OXR1: variants seen among roughly 807,000 people sequenced by gnomAD.
OXR1 encodes oxidation resistance 1, also known as oxidation resistance protein 1.
A neutral mutation model predicts 104.6 loss-of-function variants in OXR1; 41 were observed. The ratio of observed to expected loss-of-function variants is 0.39; its 90% CI spans 0.31 to 0.51. The LOEUF (loss-of-function observed/expected upper bound fraction) is 0.51, where lower values mean the gene tolerates loss of function less well. Among genes scored for constraint, OXR1 ranks in the 20% least tolerant of loss-of-function variants. The pLI is 0.77. For missense variants in OXR1, 955 were observed against 1,031.9 expected, an observed-to-expected ratio of 0.93 and a Z score of 1.02; for synonymous variants, 348 against 348.4, an observed-to-expected ratio of 1.00 and a Z score of 0.01.
rs551467056 is a variant in OXR1 at position 106,311,390 on chromosome 8, G to A, written c.-139+41023G>A. 2.6e-5 allele frequency among the ~76,000 whole-genome samples: 4 copies of A among 152,116 alleles called. No individual in the cohort carries two copies. The East Asian group carries it at 7.7e-4, about 29-fold the overall frequency. Reference sequence around the variant, plus strand: ...GGATTTAAAAGCTAATTAGATAACTGGTATTTATGTGTAGAACTTGTTGAG... The same window carrying A: ...GGATTTAAAAGCTAATTAGATAACTAGTATTTATGTGTAGAACTTGTTGAG... On this transcript the variant is annotated intron_variant, in intron 1 of 16. Coordinates refer to ENST00000517566, the MANE Select transcript of OXR1 (RefSeq NM_001198533.2).
chr8:106,730,019 G>A (rs1327683735), intron 11 of OXR1, among the ~76,000 whole-genome samples: 1 of 151,500 alleles, frequency 6.6e-6, no homozygotes, highest in Non-Finnish European at 1.5e-5. Context: ...CCCTCATATT[G>A]GTAACCACCT....
At chr8:106,581,243 A>G in intron 3 of OXR1, 1 of 1,288,306 alleles carries the variant, frequency 7.8e-7, no homozygotes, top group Admixed American at 2.3e-5. Flanking sequence ...ATATCCATGA[A>G]GCTGAGAAGT....
intron 2 of OXR1, among the ~76,000 whole-genome samples, chr8:106,499,996 C>A (rs1362341118): frequency 6.6e-6 from 1 of 152,152 alleles, no homozygotes; most frequent in African/African-American, 2.4e-5. Flanking sequence ...GCTTACTGTG[C>A]CAAAAGCCAG....
intron 2 of OXR1, among the ~76,000 whole-genome samples, chr8:106,395,700 C>T (rs1490137059): frequency 6.6e-6 from 1 of 152,082 alleles, no homozygotes; most frequent in Non-Finnish European, 1.5e-5. Flanking sequence ...ACAGATACAT[C>T]TATTTCCTAG....
intron 1 of OXR1, among the ~76,000 whole-genome samples, chr8:106,331,668 G>A (rs1814718072): frequency 6.6e-6 from 1 of 152,020 alleles, no homozygotes; most frequent in Non-Finnish European, 1.5e-5. Flanking sequence ...GGCCAGGTGC[G>A]GTGGCTCACA....
chr8:106,307,638 A>T (rs185847424), intron 1 of OXR1, among the ~76,000 whole-genome samples: 1 of 152,022 alleles, frequency 6.6e-6, no homozygotes, highest in African/African-American at 2.4e-5. Context: ...CAGGAACCCT[A>T]TGTGGATCTT....
chr8:106,567,871 T>C (rs1027063280), intron 3 of OXR1, among the ~76,000 whole-genome samples: 3 of 152,194 alleles, frequency 2.0e-5, no homozygotes, highest in South Asian at 2.1e-4. Flanking sequence ...TATGTCATCA[T>C]TGAATAATTT....
At chr8:106,699,968 A>G (rs182648499) in intron 7 of OXR1, among the ~76,000 whole-genome samples, 3 of 152,192 alleles carry the variant, frequency 2.0e-5, no homozygotes, top group Non-Finnish European at 4.4e-5. Context: ...ATTCCCAATT[A>G]TAATGATTTT....
chr8:106,518,963 C>A lies in OXR1; in HGVS notation c.44C>A (p.Ser15Ter). The A allele has an allele frequency of 3.2e-6, 5 of 1,550,780 alleles. No individual in the cohort carries two copies. Among genetic ancestry groups the A allele is most frequent in the South Asian group, 1.2e-5 (1 of 83,922 alleles). Residue 15 changes from serine (S) to a stop codon, truncating the protein, a stop_gained, in exon 3 of 17, where the codon TCG becomes TAG. Transcript: ENST00000517566. LOFTEE classifies it high-confidence loss of function. ...TGTAGGCTGAAGAAAAAGTCCCAGT[C>A]GGTGGATATTAATGCTCCAGGGTTC... is the stretch of plus-strand genomic sequence containing the variant. ...NLSWLKKKSQSVDINAPGFNP... is the reference protein window; with the variant it reads ...NLSWLKKKSQ
At chr8:106,344,162 G>A (rs1251086906) in intron 1 of OXR1, among the ~76,000 whole-genome samples, 1 of 152,148 alleles carries the variant, frequency 6.6e-6, no homozygotes, top group Admixed American at 6.5e-5. Context: ...AATGGGTGGG[G>A]TTCCCTGGTT....
chr8:106,616,829 A>G (rs1455498007), intron 3 of OXR1, among the ~76,000 whole-genome samples: 1 of 152,180 alleles, frequency 6.6e-6, no homozygotes. Flanking sequence ...TTACCCCTGA[A>G]GCCCACCTGT....
At chr8:106,502,381 C>A (rs923968151) in intron 2 of OXR1, among the ~76,000 whole-genome samples, 2 of 152,142 alleles carry the variant, frequency 1.3e-5, no homozygotes, top group Admixed American at 1.3e-4. Flanking sequence ...AAGATAGAGA[C>A]AGGAAAGGAG....
intron 1 of OXR1, among the ~76,000 whole-genome samples, chr8:106,276,200 G>T (rs557923069): frequency 1.3e-5 from 2 of 152,292 alleles, no homozygotes; most frequent in African/African-American, 4.8e-5. Context: ...AATAGGTGCA[G>T]GCTGTAGTCT....
chr8:106,389,886 T>G (rs916455231), intron 2 of OXR1, among the ~76,000 whole-genome samples: 1 of 152,116 alleles, frequency 6.6e-6, no homozygotes, highest in African/African-American at 2.4e-5. Context: ...ACCCACATGT[T>G]GAAACCCTGT....
At chr8:106,593,634 G>A (rs1277927498) in intron 3 of OXR1, among the ~76,000 whole-genome samples, 1 of 152,048 alleles carries the variant, frequency 6.6e-6, no homozygotes, top group Non-Finnish European at 1.5e-5. Context: ...AAAATTAGCC[G>A]GGTGTGGTGG....
chr8:106,374,871 G>A (rs1816848369), intron 2 of OXR1, among the ~76,000 whole-genome samples: 1 of 152,116 alleles, frequency 6.6e-6, no homozygotes, highest in Admixed American at 6.6e-5. Flanking sequence ...CATGTAGGAG[G>A]AATATTATTG....
chr8:106,422,062 T>C (rs1818927810), intron 2 of OXR1, among the ~76,000 whole-genome samples: 1 of 152,100 alleles, frequency 6.6e-6, no homozygotes, highest in Non-Finnish European at 1.5e-5. Flanking sequence ...TATCACTGGC[T>C]TGGGTAGTCT....
intron 9 of OXR1, among the ~76,000 whole-genome samples, chr8:106,709,003 T>C (rs1359794531): frequency 2.0e-5 from 3 of 152,134 alleles, no homozygotes; most frequent in Non-Finnish European, 2.9e-5. Context: ...ATAATTCATA[T>C]ATTAATACTT....
intron 3 of OXR1, among the ~76,000 whole-genome samples, chr8:106,638,944 T>C (rs900384406): frequency 6.7e-6 from 1 of 148,374 alleles, no homozygotes; most frequent in African/African-American, 2.5e-5. Context: ...CAAAAAAAAA[T>C]TCAGTTTAAA....
Sources: allele counts gnomAD v4.1 joint callset (sites outside exome capture counted in the v4.1 genomes callset), GRCh38; gene constraint gnomAD v4.1.1; transcripts MANE v1.5; gene names NCBI Gene and HGNC (gene_info 2026-07-23, HGNC 2026-07-21).